Variants in MAP3K7 observed in about 807,000 individuals in gnomAD.
MAP3K7 encodes TGF-beta activated kinase 1.
In MAP3K7, 21 loss-of-function variants were observed where a neutral mutation model predicts 84.8. That is an observed-to-expected ratio of 0.25 (90% CI 0.18 to 0.36). The LOEUF (loss-of-function observed/expected upper bound fraction) is 0.36. Among genes scored for constraint, MAP3K7 ranks in the 10% least tolerant of loss-of-function variants. The probability of loss-of-function intolerance (pLI) is 1.00; values close to 1 mark genes in which losing one functional copy is unlikely to be tolerated. For synonymous variants in MAP3K7, 241 were observed against 247.7 expected (o/e 0.97, Z 0.25); for missense variants, 503 against 747.7 (o/e 0.67, Z 3.82).
chr6:90,552,839 T>G (rs1776223379), intron 7 of MAP3K7, among the ~76,000 whole-genome samples: 1 of 152,162 alleles, frequency 6.6e-6, no homozygotes, highest in South Asian at 2.1e-4. Flanking sequence ...CAATATGACT[T>G]AAGATATGAG....
chr6:90,570,488 G>A (rs560726403), intron 2 of MAP3K7, among the ~76,000 whole-genome samples: 1 of 152,162 alleles, frequency 6.6e-6, no homozygotes, highest in African/African-American at 2.4e-5. Context: ...CATCCCAGCA[G>A]AAGACTAGAG....
Position 90,564,615 on chromosome 6 carries a change from A to G in MAP3K7, c.298-2948T>C, listed in dbSNP as rs145661025. Reference sequence around the variant, plus strand: ...AAGAGACTTAGACTCCCATACAATAATATTGGGAGGCTTTAACACCCCACT... The same window carrying G: ...AAGAGACTTAGACTCCCATACAATAGTATTGGGAGGCTTTAACACCCCACT... On this transcript the variant is annotated intron_variant, in intron 3 of 16. Coordinates refer to ENST00000369329, the MANE Select transcript of MAP3K7 (RefSeq NM_145331.3). Among the ~76,000 whole-genome samples, 222 of 152,322 alleles carry G rather than the reference A, an allele frequency of 1.5e-3. 2 individuals carry two copies. Among genetic ancestry groups the G allele is most frequent in the African/African-American group, 5.1e-3 (213 of 41,568 alleles).
At chr6:90,560,052 G>A (rs755464554) in intron 5 of MAP3K7, 24 bp downstream of exon 5, 3 of 1,613,932 alleles carry the variant, frequency 1.9e-6, no homozygotes, top group South Asian at 1.1e-5. Flanking sequence ...AGAGGCTGAG[G>A]GGTGTCACAT....
At chr6:90,572,781 G>A (rs909042860) in intron 1 of MAP3K7, among the ~76,000 whole-genome samples, 3 of 151,930 alleles carry the variant, frequency 2.0e-5, no homozygotes, top group African/African-American at 7.3e-5. Flanking sequence ...TGGGTTCATT[G>A]CTCTCTCATG....
chr6:90,568,200 A>G (rs1275232125), intron 3 of MAP3K7, among the ~76,000 whole-genome samples: 1 of 152,204 alleles, frequency 6.6e-6, no homozygotes, highest in Non-Finnish European at 1.5e-5. Context: ...GTAACCTAGA[A>G]CTTAAAGTAT....
chr6:90,548,541 A>G (rs1776077445), intron 9 of MAP3K7, among the ~76,000 whole-genome samples: 1 of 152,128 alleles, frequency 6.6e-6, no homozygotes, highest in East Asian at 1.9e-4. Flanking sequence ...TTTCTAGTAG[A>G]TGTAAAGGAA....
chr6:90,580,041 T>C (rs1175620923), intron 1 of MAP3K7, among the ~76,000 whole-genome samples: 1 of 152,240 alleles, frequency 6.6e-6, no homozygotes, highest in Non-Finnish European at 1.5e-5. Context: ...TAAGAAAATG[T>C]TTCAAATGCA....
At chr6:90,571,843 A>C (rs933744086) in intron 1 of MAP3K7, 36 bp from the exon 2 acceptor site, 27 of 1,224,322 alleles carry the variant, frequency 2.2e-5, no homozygotes, top group African/African-American at 3.0e-5. Flanking sequence ...CAAACAAAAA[A>C]CACCACAAGA....
In MAP3K7 at chr6:90,560,290, C is replaced by T. The variant is rs150008603; in HGVS notation, c.344-76G>A. 168 of 1,465,242 alleles carry T rather than the reference C, an allele frequency of 1.1e-4. 1 individual carries two copies. The African/African-American group carries it at 2.0e-3, about 18-fold the overall frequency. The allele number at this position is 1,465,242 out of a possible 1,614,324, so 90.8% of individuals were successfully genotyped here. A position where few individuals can be genotyped will look rare whatever the true frequency, so the allele number is the denominator to read the frequency against. On this transcript the variant is annotated intron_variant, in intron 4 of 16. Coordinates refer to ENST00000369329, the MANE Select transcript of MAP3K7 (RefSeq NM_145331.3). ...GACACAATGTGAATGCAAGCACTAT[C>T]AGAACACATGACTGGGTATTTTTCT...
intron 13 of MAP3K7, among the ~76,000 whole-genome samples, chr6:90,529,420 G>A (rs1775427636): frequency 6.6e-6 from 1 of 152,136 alleles, no homozygotes; most frequent in African/African-American, 2.4e-5. Flanking sequence ...GCCACTTACA[G>A]CTGTGTGAAC....
intron 3 of MAP3K7, among the ~76,000 whole-genome samples, chr6:90,565,857 T>C (rs183940216): frequency 9.9e-5 from 15 of 152,284 alleles, no homozygotes; most frequent in Admixed American, 9.1e-4. Context: ...TCAAAAAGCT[T>C]ATCCACCACG....
chr6:90,519,982 A>C (rs1248798732), intron 14 of MAP3K7, among the ~76,000 whole-genome samples: 1 of 152,046 alleles, frequency 6.6e-6, no homozygotes, highest in African/African-American at 2.4e-5. Flanking sequence ...AATTCAAACA[A>C]TCAGTCAATT....
At chr6:90,548,917 T>C (rs1196732659) in intron 9 of MAP3K7, among the ~76,000 whole-genome samples, 1 of 151,890 alleles carries the variant, frequency 6.6e-6, no homozygotes, top group Non-Finnish European at 1.5e-5. Flanking sequence ...TGTAGTGATG[T>C]AGAGATAACT....
chr6:90,550,585 C>T (rs1236128138), intron 8 of MAP3K7, 36 bp from the exon 9 acceptor site: 1 of 1,322,894 alleles, frequency 7.6e-7, no homozygotes, highest in Non-Finnish European at 1.1e-6. Context: ...CTTAAAATTT[C>T]CTTAATACAA....
In MAP3K7 at chr6:90,571,757, T is replaced by C. The variant is rs1320271362; in HGVS notation, c.171A>G (p.Ala57=). Residue 57 remains alanine, a synonymous_variant, in exon 2 of 17, where the codon GCA becomes GCG. Coordinates refer to ENST00000369329, the MANE Select transcript of MAP3K7 (RefSeq NM_145331.3). ...FGVVCKAKWR[A]KDVAIKQIES... ...CTATTTGTTTAATAGCAACATCTTT[T>C]GCTCTCCACTTAGCTTTGCAAACAA... The C allele has an allele frequency of 6.2e-7, 1 of 1,607,366 alleles. No individual in the cohort carries two copies.
At chr6:90,558,362 TAAAG>T (rs1403310404) in intron 5 of MAP3K7, among the ~76,000 whole-genome samples, 1 of 151,696 alleles carries the variant, frequency 6.6e-6, no homozygotes, top group Non-Finnish European at 1.5e-5. Context: ...AATTAAAAAA[TAAAG>T]ATATAGCAGG....
intron 1 of MAP3K7, among the ~76,000 whole-genome samples, chr6:90,574,697 CAT>C (rs1038845074): frequency 5.3e-5 from 8 of 152,162 alleles, no homozygotes; most frequent in Admixed American, 1.3e-4. Context: ...TTGTGAATCA[CAT>C]GTTTGTCATA....
At chr6:90,553,323 C>T in intron 7 of MAP3K7, 135 bp downstream of exon 7, 1 of 891,696 alleles carries the variant, frequency 1.1e-6, no homozygotes, top group Non-Finnish European at 1.7e-6. Flanking sequence ...CTGATAATAG[C>T]AAAGCAGTCT....
At position 90,563,402 on chromosome 6, in the gene MAP3K7, A is replaced by G. The variant is rs1003926002; in HGVS notation, c.298-1735T>C. Among the ~76,000 whole-genome samples, 10 of 152,340 alleles carry G rather than the reference A, an allele frequency of 6.6e-5. 1 individual carries two copies. In the Middle Eastern group the frequency reaches 0.01, roughly 155 times the overall value. ...AAATGACCTGATGGAGCTGAAAACC[A>G]TGGCACAAGAACTACGTGACACATG... On this transcript the variant is annotated intron_variant, in intron 3 of 16. Coordinates refer to ENST00000369329, the MANE Select transcript of MAP3K7 (RefSeq NM_145331.3).
Sources: allele counts gnomAD v4.1 joint callset (sites outside exome capture counted in the v4.1 genomes callset), GRCh38; gene constraint gnomAD v4.1.1; transcripts MANE v1.5; gene names NCBI Gene and HGNC (gene_info 2026-07-23, HGNC 2026-07-21).